Variants in CHIC2 observed in about 807,000 individuals in gnomAD.
CHIC2 encodes the protein cysteine rich hydrophobic domain 2, also known as cysteine-rich hydrophobic domain-containing protein 2.
Under a neutral mutation model 25.9 loss-of-function variants are expected in CHIC2, and 14 were observed. That is an observed-to-expected ratio of 0.54 (90% CI 0.36 to 0.85). The LOEUF (loss-of-function observed/expected upper bound fraction) is 0.85, where lower values mean the gene tolerates loss of function less well. CHIC2 is among the 40% of genes least tolerant of loss of function. The probability of loss-of-function intolerance (pLI) is 0.01; values close to 1 mark genes in which losing one functional copy is unlikely to be tolerated. For synonymous variants in CHIC2, 70 were observed against 72.0 expected, an observed-to-expected ratio of 0.97 and a Z score of 0.14; for missense variants, 146 against 202.0, an observed-to-expected ratio of 0.72 and a Z score of 1.68.
At chr4:54,032,982 T>C (rs1716280558) in intron 3 of CHIC2, among the ~76,000 whole-genome samples, 1 of 152,056 alleles carries the variant, frequency 6.6e-6, no homozygotes, top group Admixed American at 6.5e-5. Flanking sequence ...CAAGATCCGG[T>C]TTTTTAAAAG....
intron 3 of CHIC2, among the ~76,000 whole-genome samples, chr4:54,041,231 G>A (rs1716567415): frequency 6.6e-6 from 1 of 151,838 alleles, no homozygotes; most frequent in South Asian, 2.1e-4. Context: ...AAAGCACTGA[G>A]CTGCATATCA....
chr4:54,028,841 T>C (rs1560385832), intron 3 of CHIC2, among the ~76,000 whole-genome samples: 1 of 152,182 alleles, frequency 6.6e-6, no homozygotes, highest in African/African-American at 2.4e-5. Flanking sequence ...AAGTCAAACA[T>C]CGACTGGGCG....
intron 3 of CHIC2, among the ~76,000 whole-genome samples, chr4:54,031,020 C>G (rs1716213390): frequency 6.6e-6 from 1 of 151,934 alleles, no homozygotes; most frequent in African/African-American, 2.4e-5. Context: ...GCTGGGATTA[C>G]AGGTGCATGC....
chr4:54,069,508 G>A, upstream of CHIC2, among the ~76,000 whole-genome samples: 1 of 152,188 alleles, frequency 6.6e-6, no homozygotes, highest in East Asian at 1.9e-4. Flanking sequence ...TCAGCTGTCT[G>A]GCAGCTCTCA....
At chr4:54,025,171 T>C (rs781339731) in intron 3 of CHIC2, among the ~76,000 whole-genome samples, 2 of 152,158 alleles carry the variant, frequency 1.3e-5, no homozygotes, top group Admixed American at 6.5e-5. Flanking sequence ...CCTGCACATA[T>C]ACATCCAGAT....
the CHIC2 span, among the ~76,000 whole-genome samples, chr4:54,091,047 C>T: frequency 6.6e-6 from 1 of 151,988 alleles, no homozygotes; most frequent in Non-Finnish European, 1.5e-5. Flanking sequence ...ATAGGCACAC[C>T]ATGGGTGCTC....
At chr4:54,020,243 C>G (rs771759076) in intron 3 of CHIC2, among the ~76,000 whole-genome samples, 1 of 152,134 alleles carries the variant, frequency 6.6e-6, no homozygotes. Flanking sequence ...AACTGATCAA[C>G]GTGCTTTGTA....
the CHIC2 span, among the ~76,000 whole-genome samples, chr4:54,076,423 A>T: frequency 6.6e-6 from 1 of 152,240 alleles, no homozygotes; most frequent in Non-Finnish European, 1.5e-5. Context: ...GGGAGAAAAG[A>T]TAAATAAGAA....
chr4:54,080,202 A>G, the CHIC2 span, among the ~76,000 whole-genome samples: 146 of 148,314 alleles, frequency 9.8e-4, no homozygotes, highest in Admixed American at 2.6e-3. Context: ...ATATATGTGT[A>G]TATATATATA....
At chr4:54,056,714 A>T (rs1227461124) in intron 1 of CHIC2, among the ~76,000 whole-genome samples, 1 of 152,210 alleles carries the variant, frequency 6.6e-6, no homozygotes, top group African/African-American at 2.4e-5. Flanking sequence ...AGAGAAAAAA[A>T]GCTTAAGAAC....
chr4:54,014,044 T>C lies in CHIC2; in HGVS notation c.387+19A>G. 1 of 1,612,726 alleles carries C rather than the reference T, an allele frequency of 6.2e-7. No homozygotes were observed. ...AATTCAGACCCCAACAGTACGAAGCTGCTCCCTGTGGTACTCACCTTGTGG... is the reference window on the plus strand; with the variant it reads ...AATTCAGACCCCAACAGTACGAAGCCGCTCCCTGTGGTACTCACCTTGTGG... On this transcript the variant is annotated intron_variant, in intron 4 of 5. Transcript: ENST00000263921.
In CHIC2 at chr4:54,013,817, A is replaced by C; in HGVS notation, c.447+20T>G. ...ATGATCATTTAATAGAGAAACTCAC[A>C]AAACAGCCCTTTAACTTACATATTC... On this transcript the variant is annotated intron_variant, in intron 5 of 5. Coordinates refer to ENST00000263921, the MANE Select transcript of CHIC2 (RefSeq NM_012110.4). The C allele has an allele frequency of 6.2e-7, 1 of 1,610,530 alleles. No homozygotes were observed. Among genetic ancestry groups the C allele is most frequent in the Non-Finnish European group, 8.5e-7 (1 of 1,177,536 alleles).
At chr4:54,040,467 G>A (rs751732382) in intron 3 of CHIC2, among the ~76,000 whole-genome samples, 3 of 151,940 alleles carry the variant, frequency 2.0e-5, no homozygotes, top group South Asian at 2.1e-4. Context: ...TTGGGAGGCC[G>A]AAGCGGGCAG....
At chr4:54,026,515 G>A (rs1716062930) in intron 3 of CHIC2, among the ~76,000 whole-genome samples, 1 of 151,604 alleles carries the variant, frequency 6.6e-6, no homozygotes, top group Non-Finnish European at 1.5e-5. Context: ...ATGAGACTCT[G>A]TCTCAAAAAA....
chr4:54,064,365 G>A lies in CHIC2; in HGVS notation c.-65C>T, dbSNP rs1043581760. 5.0e-6 allele frequency: 8 copies of A among 1,594,382 alleles called. No homozygotes were observed. Among genetic ancestry groups the A allele is most frequent in the South Asian group, 1.1e-5 (1 of 88,944 alleles). ...CCGGGGTTGGCGCCGGGGTACCGGC[G>A]GGCGAGGCGGCGGAGGCTGAGGGGA... On this transcript the variant is annotated 5_prime_UTR_variant, in exon 1 of 6. Coordinates refer to ENST00000263921, the MANE Select transcript of CHIC2 (RefSeq NM_012110.4). This position sits in a 1 kb window ranked among gnomAD's most constrained non-coding sequence, Gnocchi z 4.2.
At chr4:54,065,525 G>A (rs1717496442), upstream of CHIC2, among the ~76,000 whole-genome samples, 1 of 152,240 alleles carries the variant, frequency 6.6e-6, no homozygotes, top group Admixed American at 6.5e-5. Context: ...AAGAAGAATG[G>A]GAGAGAAAGA....
intron 1 of CHIC2, among the ~76,000 whole-genome samples, chr4:54,053,450 G>A (rs1717071064): frequency 6.6e-6 from 1 of 151,718 alleles, no homozygotes; most frequent in East Asian, 1.9e-4. Flanking sequence ...CAGCTACTCA[G>A]GAGGCTGAGG....
chr4:54,064,990 C>G (rs551686508), upstream of CHIC2, among the ~76,000 whole-genome samples: 233 of 152,368 alleles, frequency 1.5e-3, no homozygotes, highest in African/African-American at 5.4e-3. This position sits in a 1 kb window ranked among gnomAD's most constrained non-coding sequence, Gnocchi z 4.2. Context: ...AAGAAAAGCC[C>G]TGGCTGGAAT....
chr4:54,054,995 G>C (rs982199066), intron 1 of CHIC2, among the ~76,000 whole-genome samples: 3 of 152,110 alleles, frequency 2.0e-5, no homozygotes, highest in African/African-American at 7.2e-5. Context: ...GAAGGAGATG[G>C]GGAACCTTTG....
Sources: allele counts gnomAD v4.1 joint callset (sites outside exome capture counted in the v4.1 genomes callset), GRCh38; gene constraint gnomAD v4.1.1; non-coding constraint Gnocchi (gnomAD v3.1); transcripts MANE v1.5; gene names NCBI Gene and HGNC (gene_info 2026-07-23, HGNC 2026-07-21).